Variants in GLIS3 observed in about 807,000 individuals in gnomAD.
GLIS3 encodes the protein zinc finger protein GLIS3.
GLIS3 carries 53 observed loss-of-function variants against 78.6 expected under a neutral mutation model. The observed-to-expected ratio is 0.67, with a 90% CI of 0.54 to 0.85. GLIS3 has a LOEUF of 0.85. Ranked by LOEUF, GLIS3 falls within the 40% of genes least tolerant of loss-of-function variation. The probability of loss-of-function intolerance (pLI) is 0.00; values close to 1 mark genes in which losing one functional copy is unlikely to be tolerated. For synonymous variants in GLIS3, 684 were observed against 509.9 expected (o/e 1.34, Z -4.60); for missense variants, 1,703 against 1,231.1 (o/e 1.38, Z -5.74).
At chr9:3,887,245 C>T (rs895520695) in intron 7 of GLIS3, among the ~76,000 whole-genome samples, 5 of 152,136 alleles carry the variant, frequency 3.3e-5, no homozygotes, top group Non-Finnish European at 7.4e-5. Context: ...TGACACCACC[C>T]GTACATCCTT....
At chr9:4,443,287 A>C in the GLIS3 span, among the ~76,000 whole-genome samples, 1 of 152,180 alleles carries the variant, frequency 6.6e-6, no homozygotes, top group South Asian at 2.1e-4. Context: ...CATTTCTGAT[A>C]AATAAGGACT....
chr9:4,060,930 C>T (rs145691062), intron 4 of GLIS3, among the ~76,000 whole-genome samples: 1 of 152,284 alleles, frequency 6.6e-6, no homozygotes, highest in Non-Finnish European at 1.5e-5. Context: ...CCCACTTTGC[C>T]CATGGATTTT....
chr9:3,870,702 A>G (rs574840821), intron 8 of GLIS3, among the ~76,000 whole-genome samples: 226 of 152,356 alleles, frequency 1.5e-3, no homozygotes, highest in African/African-American at 5.1e-3. Flanking sequence ...CCAGTGATTC[A>G]GTTATCCCCA....
At chr9:3,937,639 G>A (rs1210320807) in intron 4 of GLIS3, among the ~76,000 whole-genome samples, 1 of 152,078 alleles carries the variant, frequency 6.6e-6, no homozygotes, top group Non-Finnish European at 1.5e-5. Context: ...AGAAAAAGGA[G>A]AATTGAAGAT....
intron 6 of GLIS3, among the ~76,000 whole-genome samples, chr9:3,908,184 C>A (rs982959391): frequency 1.3e-5 from 2 of 152,216 alleles, no homozygotes; most frequent in Non-Finnish European, 2.9e-5. Flanking sequence ...CTGACAGCAA[C>A]CTGTAAGTGG....
At chr9:4,396,888 G>A in the GLIS3 span, among the ~76,000 whole-genome samples, 6 of 152,088 alleles carry the variant, frequency 3.9e-5, no homozygotes, top group African/African-American at 1.2e-4. Context: ...CTGATTTCAT[G>A]AGAGTTTTGC....
intron 9 of GLIS3, among the ~76,000 whole-genome samples, chr9:3,833,038 G>C: frequency 6.6e-6 from 1 of 152,212 alleles, no homozygotes; most frequent in East Asian, 1.9e-4. Context: ...TAAAAGGTTT[G>C]TGATGTGGCA....
chr9:4,066,491 G>T (rs1001387482), intron 4 of GLIS3, among the ~76,000 whole-genome samples: 2 of 152,180 alleles, frequency 1.3e-5, no homozygotes, highest in African/African-American at 4.8e-5. Context: ...TGCCACTGCT[G>T]CTGCAACCCC....
rs572829276 is a variant in GLIS3, at chr9:4,178,023, C to T, written c.389-52082G>A. On this transcript the variant is annotated intron_variant, in intron 2 of 10. Coordinates refer to ENST00000381971, the MANE Select transcript of GLIS3 (RefSeq NM_001042413.2). Reference sequence around the variant, plus strand: ...GATTATCACTACCTTTGGGGAAATACAGTAATTTATGGAGTGAAGCTAGCA... The same window carrying T: ...GATTATCACTACCTTTGGGGAAATATAGTAATTTATGGAGTGAAGCTAGCA... 5.3e-5 allele frequency among the ~76,000 whole-genome samples: 8 copies of T among 152,286 alleles called. No individual in the cohort carries two copies. The South Asian group carries it at 1.5e-3, about 28-fold the overall frequency.
At chr9:4,287,655 G>T (rs1248723866) in intron 1 of GLIS3, among the ~76,000 whole-genome samples, 4 of 151,966 alleles carry the variant, frequency 2.6e-5, no homozygotes, top group African/African-American at 9.7e-5. Context: ...TCAAGTGGAT[G>T]ATTCCTAATT....
chr9:4,384,511 C>T, the GLIS3 span, among the ~76,000 whole-genome samples: 2 of 149,356 alleles, frequency 1.3e-5, no homozygotes, highest in Non-Finnish European at 3.0e-5. Context: ...TCCCTCCCTT[C>T]CTTCCTTCTT....
intron 2 of GLIS3, among the ~76,000 whole-genome samples, chr9:4,319,007 G>C (rs1019949710): frequency 6.6e-6 from 1 of 152,156 alleles, no homozygotes; most frequent in Non-Finnish European, 1.5e-5. Context: ...AAATGATCAA[G>C]CACTCAATTG....
chr9:4,223,946 T>C (rs1014433148), intron 2 of GLIS3, among the ~76,000 whole-genome samples: 2 of 150,388 alleles, frequency 1.3e-5, no homozygotes, highest in Admixed American at 6.6e-5. Context: ...AAATAAACAA[T>C]ACGGGGAAAA....
At chr9:4,036,961 C>A (rs1407904170) in intron 4 of GLIS3, among the ~76,000 whole-genome samples, 1 of 152,150 alleles carries the variant, frequency 6.6e-6, no homozygotes. Context: ...GAAGTTACTA[C>A]CCCACTGCAG....
chr9:4,373,676 T>TC, the GLIS3 span, among the ~76,000 whole-genome samples: 15 of 151,830 alleles, frequency 9.9e-5, no homozygotes, highest in Middle Eastern at 3.4e-3. Flanking sequence ...TTTTCTTTTT[T>TC]TTTTTTTTTG....
chr9:4,100,635 T>G (rs1830301288), intron 4 of GLIS3, among the ~76,000 whole-genome samples: 1 of 152,112 alleles, frequency 6.6e-6, no homozygotes, highest in Non-Finnish European at 1.5e-5. Flanking sequence ...AAACCAGTGG[T>G]GTCTCTTTCT....
At chr9:3,867,348 G>T (rs1820654194) in intron 8 of GLIS3, among the ~76,000 whole-genome samples, 1 of 152,220 alleles carries the variant, frequency 6.6e-6, no homozygotes. Flanking sequence ...AAGTGTACAT[G>T]TGACTTCCAG....
chr9:4,408,003 A>G, the GLIS3 span, among the ~76,000 whole-genome samples: 16 of 152,212 alleles, frequency 1.1e-4, no homozygotes, highest in Non-Finnish European at 2.4e-4. Context: ...GCCAATGTAT[A>G]TAAAAAACTG....
chr9:4,421,184 GA>G, the GLIS3 span, among the ~76,000 whole-genome samples: 1 of 152,174 alleles, frequency 6.6e-6, no homozygotes, highest in African/African-American at 2.4e-5. Flanking sequence ...TGATATTCAT[GA>G]AAGGCTGAAA....
Sources: allele counts gnomAD v4.1 joint callset (sites outside exome capture counted in the v4.1 genomes callset), GRCh38; gene constraint gnomAD v4.1.1; transcripts MANE v1.5; gene names NCBI Gene and HGNC (gene_info 2026-07-23, HGNC 2026-07-21).